CNBD1: variants seen among roughly 807,000 people sequenced by gnomAD.
CNBD1 encodes the protein cyclic nucleotide-binding domain-containing protein 1.
Under a neutral mutation model 54.4 loss-of-function variants are expected in CNBD1, and 71 were observed. The ratio of observed to expected loss-of-function variants is 1.30; its 90% CI spans 1.08 to 1.59. The LOEUF is 1.59. CNBD1 is among the 40% of genes most tolerant of loss of function. CNBD1 has a pLI of 0.00. For missense variants in CNBD1, 659 were observed against 518.0 expected, an observed-to-expected ratio of 1.27 and a Z score of -2.64; for synonymous variants, 182 against 170.7, an observed-to-expected ratio of 1.07 and a Z score of -0.51.
rs373942560 is a variant in CNBD1, at chr8:87,285,470, G to T, written c.909+655G>T. Among the ~76,000 whole-genome samples the T allele has an allele frequency of 2.2e-4, 34 of 152,260 alleles. No homozygotes were observed. In the East Asian group the frequency reaches 6.2e-3, roughly 28 times the overall value. On this transcript the variant is annotated intron_variant, in intron 7 of 10. Coordinates refer to ENST00000518476, the MANE Select transcript of CNBD1 (RefSeq NM_173538.3). ...AATGAGATTGAGGCTAGGGGCGGTG[G>T]CTCATGCCTGTAATCTCAGCACTTT...
chr8:87,003,291 T>C (rs1191932299), intron 4 of CNBD1, among the ~76,000 whole-genome samples: 1 of 152,216 alleles, frequency 6.6e-6, no homozygotes, highest in Non-Finnish European at 1.5e-5. Context: ...TGAATGATAA[T>C]AAATTGATTA....
rs1253041612 is a variant in CNBD1 at position 87,298,685 on chromosome 8, C to T, written c.1042+12014C>T. Among the ~76,000 whole-genome samples the T allele has an allele frequency of 2.6e-5, 4 of 151,808 alleles. No individual in the cohort carries two copies. The East Asian group carries it at 7.8e-4, about 30-fold the overall frequency. The stretch of plus-strand genomic sequence containing the variant: ...AGTTTTAGTAGAGATAGGGTTTCAC[C>T]GTGTTGGCCAGGCTGGTCTCGAACT... On this transcript the variant is annotated intron_variant, in intron 8 of 10. Coordinates refer to ENST00000518476, the MANE Select transcript of CNBD1 (RefSeq NM_173538.3).
intron 4 of CNBD1, among the ~76,000 whole-genome samples, chr8:87,139,880 A>G (rs1255393208): frequency 6.6e-6 from 1 of 152,172 alleles, no homozygotes; most frequent in African/African-American, 2.4e-5. Flanking sequence ...TCAACTGACT[A>G]TGATGAACAT....
At chr8:87,088,025 A>T (rs1439753246) in intron 4 of CNBD1, among the ~76,000 whole-genome samples, 1 of 152,184 alleles carries the variant, frequency 6.6e-6, no homozygotes, top group Non-Finnish European at 1.5e-5. Context: ...ACATAAAGTC[A>T]TTTGTCACCA....
intron 10 of CNBD1, among the ~76,000 whole-genome samples, chr8:87,381,244 T>TA (rs1363832379): frequency 1.3e-5 from 2 of 152,040 alleles, no homozygotes; most frequent in Non-Finnish European, 2.9e-5. Context: ...TACATTTCTC[T>TA]AAAAAAGACA....
intron 4 of CNBD1, among the ~76,000 whole-genome samples, chr8:87,099,543 G>T (rs1811388184): frequency 6.6e-6 from 1 of 152,108 alleles, no homozygotes. Flanking sequence ...GGCTTCAAAG[G>T]CAAGTAGTGG....
intron 4 of CNBD1, among the ~76,000 whole-genome samples, chr8:86,948,026 C>A (rs1807508922): frequency 6.6e-6 from 1 of 152,034 alleles, no homozygotes; most frequent in South Asian, 2.1e-4. Context: ...TCTTTCTGTG[C>A]CTGGCTTATT....
chr8:87,190,616 T>C (rs1035980369), intron 4 of CNBD1, among the ~76,000 whole-genome samples: 4 of 152,298 alleles, frequency 2.6e-5, no homozygotes, highest in African/African-American at 9.6e-5. Context: ...AGAGGTAGAC[T>C]TACCCTGAAG....
intron 4 of CNBD1, among the ~76,000 whole-genome samples, chr8:87,010,693 C>T (rs117801407): frequency 0.016 from 2,477 of 152,168 alleles, 36 homozygotes; most frequent in Middle Eastern, 0.051. Context: ...TACAGTGAGC[C>T]GTGATCACGC....
intron 4 of CNBD1, among the ~76,000 whole-genome samples, chr8:86,958,493 T>C (rs948084798): frequency 3.3e-4 from 50 of 152,330 alleles, no homozygotes; most frequent in African/African-American, 1.2e-3. Context: ...AGGGACTTGC[T>C]TTATGAATCT....
chr8:86,979,723 T>C (rs1808431876), intron 4 of CNBD1, among the ~76,000 whole-genome samples: 1 of 152,172 alleles, frequency 6.6e-6, no homozygotes, highest in South Asian at 2.1e-4. Flanking sequence ...AAATAATATG[T>C]CCCCATATAA....
Position 87,182,996 on chromosome 8 carries a change from C to T in CNBD1, c.432-22997C>T, listed in dbSNP as rs1363702310. 6.6e-6 allele frequency among the ~76,000 whole-genome samples: 1 copy of T among 152,050 alleles called. No individual in the cohort carries two copies. Among genetic ancestry groups the T allele is most frequent in the East Asian group, 1.9e-4 (1 of 5,184 alleles). ...TTGCTAAGTCCTATGTTCAGAATGT[C>T]ATTTCCTAGTTTTTTCTAGGGTTCT... On this transcript the variant is annotated intron_variant, in intron 4 of 10. Coordinates refer to ENST00000518476, the MANE Select transcript of CNBD1 (RefSeq NM_173538.3). This position sits in a 1 kb window ranked among gnomAD's most constrained non-coding sequence, Gnocchi z 4.1.
intron 4 of CNBD1, among the ~76,000 whole-genome samples, chr8:87,022,572 G>A (rs1001660442): frequency 1.3e-5 from 2 of 152,178 alleles, no homozygotes; most frequent in African/African-American, 4.8e-5. Context: ...GTGTGTGCTT[G>A]ACACTTCAGA....
intron 4 of CNBD1, among the ~76,000 whole-genome samples, chr8:87,079,321 T>C (rs1389539615): frequency 6.6e-6 from 1 of 152,134 alleles, no homozygotes; most frequent in Non-Finnish European, 1.5e-5. Flanking sequence ...AATGTTTTCA[T>C]AGAGCCGTAG....
At chr8:86,884,037 A>G (rs1170155628) in intron 1 of CNBD1, among the ~76,000 whole-genome samples, 2 of 151,206 alleles carry the variant, frequency 1.3e-5, no homozygotes, top group African/African-American at 4.8e-5. Flanking sequence ...CTGTAGTCCC[A>G]GCTACTTGGG....
chr8:87,289,874 C>G (rs1303889985), intron 8 of CNBD1, among the ~76,000 whole-genome samples: 1 of 152,104 alleles, frequency 6.6e-6, no homozygotes, highest in Non-Finnish European at 1.5e-5. Flanking sequence ...CATCCCAGAA[C>G]CGGTTTGATA....
intron 4 of CNBD1, among the ~76,000 whole-genome samples, chr8:87,186,191 T>TA (rs1301477671): frequency 3.9e-5 from 6 of 152,290 alleles, no homozygotes; most frequent in Admixed American, 2.6e-4. Flanking sequence ...GATTGACATA[T>TA]AATTAAATAC....
chr8:87,244,517 C>T (rs1807762200), intron 6 of CNBD1, among the ~76,000 whole-genome samples: 1 of 152,090 alleles, frequency 6.6e-6, no homozygotes, highest in Non-Finnish European at 1.5e-5. Flanking sequence ...TTTTGTTTAA[C>T]AATATCGTCC....
At chr8:86,952,560 TG>T (rs1196283773) in intron 4 of CNBD1, among the ~76,000 whole-genome samples, 1 of 151,818 alleles carries the variant, frequency 6.6e-6, no homozygotes, top group Non-Finnish European at 1.5e-5. Context: ...AAATATCAAA[TG>T]AAAAAGAAAG....
Sources: allele counts gnomAD v4.1 joint callset (sites outside exome capture counted in the v4.1 genomes callset), GRCh38; gene constraint gnomAD v4.1.1; non-coding constraint Gnocchi (gnomAD v3.1); transcripts MANE v1.5; gene names NCBI Gene and HGNC (gene_info 2026-07-23, HGNC 2026-07-21).